CTNNA2: variants seen among roughly 807,000 people sequenced by gnomAD.
CTNNA2 encodes catenin alpha-2.
In CTNNA2, 42 loss-of-function variants were observed where a neutral mutation model predicts 101.0. That is an observed-to-expected ratio of 0.42 (90% confidence interval 0.32 to 0.54). The LOEUF is 0.54. CTNNA2 is among the 20% of genes least tolerant of loss of function. The pLI is 0.14. For missense variants in CTNNA2, 871 were observed against 1,223.1 expected (o/e 0.71, Z 4.29); for synonymous variants, 450 against 456.4 (o/e 0.99, Z 0.18).
intron 16 of CTNNA2, among the ~76,000 whole-genome samples, chr2:80,606,852 G>T (rs1182124457): frequency 6.6e-6 from 1 of 151,826 alleles, no homozygotes; most frequent in African/African-American, 2.4e-5. Flanking sequence ...TTGCTGCAAG[G>T]TATTTGTATC....
chr2:79,673,407 A>G (rs980501819), intron 2 of CTNNA2, among the ~76,000 whole-genome samples: 2 of 152,146 alleles, frequency 1.3e-5, no homozygotes, highest in Non-Finnish European at 2.9e-5. Context: ...ATATATTGGG[A>G]TTAAAGTACA....
intron 4 of CTNNA2, among the ~76,000 whole-genome samples, chr2:79,382,418 C>A (rs1678049732): frequency 6.6e-6 from 1 of 152,096 alleles, no homozygotes; most frequent in Non-Finnish European, 1.5e-5. Context: ...GTGTATACAT[C>A]TTGTTTGTTC....
chr2:79,539,574 A>G (rs1573288878), intron 1 of CTNNA2, among the ~76,000 whole-genome samples: 1 of 152,192 alleles, frequency 6.6e-6, no homozygotes, highest in African/African-American at 2.4e-5. Flanking sequence ...ATATTGTAAT[A>G]AACTGTGGGT....
chr2:80,538,024 T>A (rs1249091701), intron 9 of CTNNA2, among the ~76,000 whole-genome samples: 1 of 152,212 alleles, frequency 6.6e-6, no homozygotes, highest in Non-Finnish European at 1.5e-5. Context: ...CGCATAAATG[T>A]CATCTTTTGA....
At chr2:80,320,776 C>A (rs1239664696) in intron 7 of CTNNA2, among the ~76,000 whole-genome samples, 1 of 152,136 alleles carries the variant, frequency 6.6e-6, no homozygotes, top group Non-Finnish European at 1.5e-5. Flanking sequence ...TTTTACATAA[C>A]CACAATGCTG....
intron 7 of CTNNA2, among the ~76,000 whole-genome samples, chr2:80,214,738 G>A (rs934789620): frequency 2.4e-4 from 37 of 152,052 alleles, no homozygotes; most frequent in Non-Finnish European, 4.7e-4. Flanking sequence ...TATGTGTCTT[G>A]GAGTTGCCCT....
intron 7 of CTNNA2, among the ~76,000 whole-genome samples, chr2:80,100,344 G>A (rs1344408287): frequency 3.3e-5 from 5 of 152,172 alleles, no homozygotes; most frequent in African/African-American, 7.2e-5. Flanking sequence ...TACTGCTTTC[G>A]TTCCTGGTTC....
chr2:79,261,366 A>G (rs892337108), intron 2 of CTNNA2, among the ~76,000 whole-genome samples: 10 of 152,212 alleles, frequency 6.6e-5, no homozygotes, highest in Non-Finnish European at 1.5e-4. Flanking sequence ...ACATCTCACT[A>G]TAGGAAGTGA....
At chr2:79,270,645 T>A (rs1675059860) in intron 2 of CTNNA2, among the ~76,000 whole-genome samples, 1 of 151,944 alleles carries the variant, frequency 6.6e-6, no homozygotes, top group African/African-American at 2.4e-5. Context: ...TCTCAGGTTC[T>A]CAGAAATCTT....
At chr2:79,719,375 T>C (rs906507394) in intron 2 of CTNNA2, among the ~76,000 whole-genome samples, 8 of 152,202 alleles carry the variant, frequency 5.3e-5, no homozygotes, top group Admixed American at 2.0e-4. Context: ...GATGAACATA[T>C]GCATGTGCGT....
intron 12 of CTNNA2, among the ~76,000 whole-genome samples, chr2:80,571,691 A>G (rs555524633): frequency 3.3e-5 from 5 of 152,234 alleles, no homozygotes; most frequent in Admixed American, 3.3e-4. Context: ...GGGCTTATTC[A>G]CTTTAATATA....
chr2:79,854,979 A>G (rs1052386758), intron 3 of CTNNA2, among the ~76,000 whole-genome samples: 1 of 152,230 alleles, frequency 6.6e-6, no homozygotes, highest in African/African-American at 2.4e-5. Context: ...TTAAAGCTGC[A>G]GGGACTAAGA....
At chr2:79,989,338 T>C (rs897760914) in intron 7 of CTNNA2, among the ~76,000 whole-genome samples, 2 of 152,158 alleles carry the variant, frequency 1.3e-5, no homozygotes, top group Non-Finnish European at 2.9e-5. Flanking sequence ...AATTGGAGTA[T>C]TAGGCTGGGC....
intron 2 of CTNNA2, among the ~76,000 whole-genome samples, chr2:79,700,722 G>A (rs6747882): frequency 0.024 from 3,716 of 152,242 alleles, 141 homozygotes; most frequent in African/African-American, 0.083. Flanking sequence ...AGGGAATAGA[G>A]GTGGGAAAAG....
chr2:80,455,599 T>C lies in CTNNA2; in HGVS notation c.1290+35998T>C, dbSNP rs532555009. On this transcript the variant is annotated intron_variant, in intron 9 of 18. Transcript: ENST00000402739. ...TTTGTACCTTCATTCCTCTTCCACATCTTTCTGGAGAGGAGTGTACTCTCA... is the reference window on the plus strand; with the variant it reads ...TTTGTACCTTCATTCCTCTTCCACACCTTTCTGGAGAGGAGTGTACTCTCA... Among the ~76,000 whole-genome samples the C allele has an allele frequency of 5.3e-5, 8 of 152,332 alleles. No homozygotes were observed. In the East Asian group the frequency reaches 5.8e-4, roughly 11 times the overall value.
At chr2:79,466,818 T>G (rs1670942245) in intron 4 of CTNNA2, among the ~76,000 whole-genome samples, 1 of 152,208 alleles carries the variant, frequency 6.6e-6, no homozygotes, top group Non-Finnish European at 1.5e-5. Context: ...CTGAGGGTCC[T>G]GACTATTAGA....
chr2:80,380,919 G>C (rs941383072), intron 7 of CTNNA2, among the ~76,000 whole-genome samples: 1 of 152,162 alleles, frequency 6.6e-6, no homozygotes, highest in South Asian at 2.1e-4. Flanking sequence ...TATTTGGGAC[G>C]ATGTGAGACA....
At chr2:79,334,166 G>A (rs1676938913) in intron 3 of CTNNA2, among the ~76,000 whole-genome samples, 1 of 152,088 alleles carries the variant, frequency 6.6e-6, no homozygotes, top group Non-Finnish European at 1.5e-5. Context: ...TAGCGCTGCA[G>A]AACACTAGAA....
Position 80,302,531 on chromosome 2 carries a change from G to A in CTNNA2, c.1057-90680G>A. 1.2e-6 allele frequency: 2 copies of A among 1,611,732 alleles called. No homozygotes were observed. The highest frequency in any genetic ancestry group is 1.1e-5 in the South Asian group (1 of 91,084). On this transcript the variant is annotated intron_variant, in intron 7 of 18. Transcript: ENST00000402739. The surrounding 1 kb of genome is among the most constrained non-coding windows in gnomAD (Gnocchi z 6.4). ...GGAGAAGATGAGGGCCATGGTGCCC[G>A]TGACCACCTTGTGGATCTGCACGGC...
Sources: gnomAD v4.1 joint callset for allele counts (sites outside exome capture counted in the v4.1 genomes callset) on GRCh38, gnomAD v4.1.1 for gene constraint, Gnocchi (gnomAD v3.1) non-coding constraint, MANE v1.5 for transcripts, NCBI Gene and HGNC (gene_info 2026-07-23, HGNC 2026-07-21) for gene names.